The following DPYSL3 variants were observed in gnomAD, a reference collection of about 807,000 sequenced individuals.
DPYSL3 encodes the protein dihydropyrimidinase like 3, also known as dihydropyrimidinase-related protein 3.
In DPYSL3, 16 loss-of-function variants were observed where a neutral mutation model predicts 66.1. That is an observed-to-expected ratio of 0.24 (90% confidence interval 0.16 to 0.37). The LOEUF (loss-of-function observed/expected upper bound fraction) is 0.37. Ranked by LOEUF, DPYSL3 falls within the 10% of genes least tolerant of loss-of-function variation. The pLI is 1.00. For missense variants in DPYSL3, 738 were observed against 916.2 expected (o/e 0.81, Z 2.51); for synonymous variants, 338 against 345.1 (o/e 0.98, Z 0.23).
intron 1 of DPYSL3, chr5:147,453,865 C>G: frequency 1.5e-6 from 1 of 687,042 alleles, no homozygotes; most frequent in African/African-American, 2.0e-5. Flanking sequence ...TTTTCTTTTG[C>G]TGCGCCAGCT....
At chr5:147,423,175 T>C (rs1323126860) in intron 2 of DPYSL3, among the ~76,000 whole-genome samples, 2 of 152,164 alleles carry the variant, frequency 1.3e-5, no homozygotes, top group Non-Finnish European at 2.9e-5. Flanking sequence ...AAACATAAAA[T>C]CAATTGTGGC....
intron 1 of DPYSL3, among the ~76,000 whole-genome samples, chr5:147,444,028 T>G (rs755038611): frequency 6.6e-6 from 1 of 152,064 alleles, no homozygotes; most frequent in African/African-American, 2.4e-5. Flanking sequence ...TCATACCTTA[T>G]AGGAAACAGG....
intron 1 of DPYSL3, among the ~76,000 whole-genome samples, chr5:147,507,610 T>C (rs1753701021): frequency 6.6e-6 from 1 of 152,216 alleles, no homozygotes. Context: ...ATAACCTCCG[T>C]GGTCTCTTCT....
chr5:147,485,057 G>T (rs1487961868), intron 1 of DPYSL3, among the ~76,000 whole-genome samples: 1 of 152,152 alleles, frequency 6.6e-6, no homozygotes, highest in African/African-American at 2.4e-5. Context: ...TTTTGAGGTT[G>T]ATTTAGGCAA....
intron 9 of DPYSL3, 152 bp downstream of exon 9, chr5:147,401,388 T>C: frequency 1.2e-6 from 1 of 862,054 alleles, no homozygotes; most frequent in Non-Finnish European, 1.7e-6. Context: ...GCCTGCTTTC[T>C]ACGCTCAAGA....
At chr5:147,418,677 T>C (rs1331320255) in intron 2 of DPYSL3, 46 bp from the exon 3 acceptor site, 1 of 1,513,058 alleles carries the variant, frequency 6.6e-7, no homozygotes, top group Admixed American at 1.9e-5. Context: ...CTTGGTCATT[T>C]AAAAGTGCAA....
chr5:147,451,500 A>G (rs1179447756), intron 1 of DPYSL3, among the ~76,000 whole-genome samples: 1 of 152,208 alleles, frequency 6.6e-6, no homozygotes, highest in African/African-American at 2.4e-5. Flanking sequence ...TGGAGCTCCT[A>G]AGGCAAGTTA....
chr5:147,497,756 C>T (rs1394865244), intron 1 of DPYSL3, among the ~76,000 whole-genome samples: 3 of 151,550 alleles, frequency 2.0e-5, no homozygotes, highest in Non-Finnish European at 4.4e-5. Context: ...ACTTCCTCAG[C>T]TTGATAAAGA....
At chr5:147,481,162 T>C (rs968118014) in intron 1 of DPYSL3, among the ~76,000 whole-genome samples, 4 of 152,190 alleles carry the variant, frequency 2.6e-5, no homozygotes, top group Non-Finnish European at 5.9e-5. Context: ...AGTCCTTGGT[T>C]TAATCTCAGT....
intron 1 of DPYSL3, among the ~76,000 whole-genome samples, chr5:147,508,121 C>T (rs999124501): frequency 6.6e-6 from 1 of 152,162 alleles, no homozygotes; most frequent in African/African-American, 2.4e-5. Flanking sequence ...TTAGGGGAAT[C>T]ACGCACTAAA....
At chr5:147,481,432 G>A (rs944815103) in intron 1 of DPYSL3, among the ~76,000 whole-genome samples, 3 of 152,208 alleles carry the variant, frequency 2.0e-5, no homozygotes, top group African/African-American at 7.2e-5. Context: ...GCAGAAGACA[G>A]GAGGTTCCTG....
intron 2 of DPYSL3, among the ~76,000 whole-genome samples, chr5:147,421,138 C>T (rs1752069449): frequency 6.6e-6 from 1 of 152,156 alleles, no homozygotes. Flanking sequence ...CCCAAAAACT[C>T]CTTAAGCTGA....
rs142845202 is a variant in DPYSL3 at position 147,481,004 on chromosome 5, G to T, written c.381+28474C>A. 2.9e-4 allele frequency among the ~76,000 whole-genome samples: 44 copies of T among 152,076 alleles called. No homozygotes were observed. In the East Asian group the frequency reaches 8.5e-3, roughly 29 times the overall value. ...CCCAAAGTGCTGGAATTACACGTGT[G>T]AGCCACCACGCCTGGCCATAAATCT... On this transcript the variant is annotated intron_variant, in intron 1 of 13. Transcript: ENST00000343218.
intron 1 of DPYSL3, among the ~76,000 whole-genome samples, chr5:147,461,030 A>G (rs1472871747): frequency 6.6e-6 from 1 of 152,210 alleles, no homozygotes; most frequent in African/African-American, 2.4e-5. Flanking sequence ...AATAAAAAGC[A>G]GCCCAAGAAA....
chr5:147,451,554 G>A (rs1197559438), intron 1 of DPYSL3, among the ~76,000 whole-genome samples: 1 of 152,196 alleles, frequency 6.6e-6, no homozygotes, highest in African/African-American at 2.4e-5. Flanking sequence ...TGGCTTAAAT[G>A]ATACCTAGAA....
intron 10 of DPYSL3, 72 bp from the exon 11 acceptor site, chr5:147,399,324 A>G: frequency 6.7e-7 from 1 of 1,497,842 alleles, no homozygotes; most frequent in Non-Finnish European, 8.9e-7. Context: ...CTGAACTCAG[A>G]GAAAGACAAC....
At chr5:147,506,467 A>G (rs1753686627) in intron 1 of DPYSL3, among the ~76,000 whole-genome samples, 1 of 152,174 alleles carries the variant, frequency 6.6e-6, no homozygotes, top group Non-Finnish European at 1.5e-5. Context: ...CGCCATGGTC[A>G]TATCCCATCT....
intron 1 of DPYSL3, among the ~76,000 whole-genome samples, chr5:147,503,736 A>G (rs956539559): frequency 1.3e-5 from 2 of 152,194 alleles, no homozygotes; most frequent in African/African-American, 2.4e-5. Flanking sequence ...TTACAAGAAG[A>G]CCATTACTAT....
At chr5:147,453,374 C>T (rs1419369146) in intron 1 of DPYSL3, among the ~76,000 whole-genome samples, 1 of 152,168 alleles carries the variant, frequency 6.6e-6, no homozygotes, top group Admixed American at 6.5e-5. Flanking sequence ...CAGGGTCGCT[C>T]AGTCTGTGTG....
Sources: gnomAD v4.1 joint callset for allele counts (sites outside exome capture counted in the v4.1 genomes callset) on GRCh38, gnomAD v4.1.1 for gene constraint, MANE v1.5 for transcripts, NCBI Gene and HGNC (gene_info 2026-07-23, HGNC 2026-07-21) for gene names.